Variants in EPHA6 observed in about 807,000 individuals in gnomAD.
The protein encoded by EPHA6 is ephrin type-A receptor 6.
In EPHA6, 50 loss-of-function variants were observed where a neutral mutation model predicts 112.0. That is an observed-to-expected ratio of 0.45 (90% CI 0.36 to 0.56). The LOEUF (loss-of-function observed/expected upper bound fraction) is 0.56, where lower values mean the gene tolerates loss of function less well. Among genes scored for constraint, EPHA6 ranks in the 20% least tolerant of loss-of-function variants. The pLI, the probability that EPHA6 is intolerant of heterozygous loss-of-function variation, is 0.00. For missense variants in EPHA6, 1,280 were observed against 1,417.4 expected (o/e 0.90, Z 1.56); for synonymous variants, 529 against 490.7 (o/e 1.08, Z -1.03).
At chr3:96,842,313 G>T (rs1019018498) in intron 1 of EPHA6, among the ~76,000 whole-genome samples, 3 of 152,200 alleles carry the variant, frequency 2.0e-5, no homozygotes, top group Non-Finnish European at 4.4e-5. Flanking sequence ...AACCAAGATT[G>T]TTTCTACTAA....
At chr3:96,955,887 A>G (rs1277536347) in intron 2 of EPHA6, among the ~76,000 whole-genome samples, 1 of 152,216 alleles carries the variant, frequency 6.6e-6, no homozygotes, top group African/African-American at 2.4e-5. Context: ...AATACAAACT[A>G]TGTTTTTTGT....
At chr3:96,940,400 A>G (rs1348819205) in intron 2 of EPHA6, among the ~76,000 whole-genome samples, 2 of 152,116 alleles carry the variant, frequency 1.3e-5, no homozygotes, top group African/African-American at 4.8e-5. Context: ...AGTCTGTTTT[A>G]TCAGAGACTA....
intron 5 of EPHA6, among the ~76,000 whole-genome samples, chr3:97,305,991 A>G (rs992186740): frequency 6.6e-6 from 1 of 151,982 alleles, no homozygotes; most frequent in Admixed American, 6.6e-5. Flanking sequence ...GCAAAGATAA[A>G]CTAAAATATA....
chr3:97,426,171 TTA>T (rs2089105089), intron 6 of EPHA6, among the ~76,000 whole-genome samples: 1 of 152,220 alleles, frequency 6.6e-6, no homozygotes, highest in African/African-American at 2.4e-5. Flanking sequence ...ATTTACTGTA[TTA>T]GTCTATTCAC....
At chr3:97,572,344 G>T (rs558896228) in intron 11 of EPHA6, among the ~76,000 whole-genome samples, 16 of 151,906 alleles carry the variant, frequency 1.1e-4, no homozygotes, top group African/African-American at 3.9e-4. Context: ...TAGATACAGG[G>T]TTTCATGGTG....
chr3:96,980,675 T>C (rs1267791178), intron 2 of EPHA6, among the ~76,000 whole-genome samples: 3 of 152,198 alleles, frequency 2.0e-5, no homozygotes, highest in South Asian at 2.1e-4. Context: ...TGATTCTTCC[T>C]ACCCATGAGC....
At chr3:97,060,995 A>G (rs931425250) in intron 3 of EPHA6, among the ~76,000 whole-genome samples, 1 of 151,066 alleles carries the variant, frequency 6.6e-6, no homozygotes, top group Non-Finnish European at 1.5e-5. Flanking sequence ...AAACCCAAGG[A>G]TAAAAAGCTT....
At chr3:97,013,189 GGTATTTCTTA>G (rs1367117909) in intron 3 of EPHA6, among the ~76,000 whole-genome samples, 1 of 151,916 alleles carries the variant, frequency 6.6e-6, no homozygotes, top group Non-Finnish European at 1.5e-5. Context: ...TATTCAGAAT[GGTATTTCTTA>G]GATTTTCTTC....
In EPHA6 at chr3:97,511,246, G is replaced by T. The variant is rs142230095; in HGVS notation, c.2201-21112G>T. Among the ~76,000 whole-genome samples, 246 of 152,050 alleles carry T rather than the reference G, an allele frequency of 1.6e-3. 1 individual carries two copies. Among genetic ancestry groups the T allele is most frequent in the Non-Finnish European group, 2.7e-3 (185 of 68,006 alleles). On this transcript the variant is annotated intron_variant, in intron 10 of 17. Transcript: ENST00000389672. Reference sequence around the variant, plus strand: ...GTATGAAAAAAAAAAAACTTCTGCAGCTAGCTCGGTGTCTGCCCAGACAGC... The same window carrying T: ...GTATGAAAAAAAAAAAACTTCTGCATCTAGCTCGGTGTCTGCCCAGACAGC...
intron 1 of EPHA6, among the ~76,000 whole-genome samples, chr3:96,850,268 T>C (rs2107366185): frequency 6.6e-6 from 1 of 152,120 alleles, no homozygotes; most frequent in Non-Finnish European, 1.5e-5. Flanking sequence ...TGAGAGTTTG[T>C]AGCTAGGTGG....
At chr3:97,070,271 G>A (rs1164362859) in intron 3 of EPHA6, among the ~76,000 whole-genome samples, 2 of 152,066 alleles carry the variant, frequency 1.3e-5, no homozygotes, top group Admixed American at 1.3e-4. Flanking sequence ...TGAGTGCCTG[G>A]AACATAGTCA....
At chr3:97,411,912 G>A (rs980084606) in intron 6 of EPHA6, among the ~76,000 whole-genome samples, 6 of 152,016 alleles carry the variant, frequency 3.9e-5, no homozygotes, top group African/African-American at 1.4e-4. Context: ...CTACTGTTCA[G>A]ATTATTTTTT....
chr3:97,584,795 T>C (rs150936196), intron 11 of EPHA6, among the ~76,000 whole-genome samples: 15 of 152,300 alleles, frequency 9.8e-5, no homozygotes, highest in Admixed American at 7.2e-4. Flanking sequence ...TTTATCCCCA[T>C]GTATTGAACA....
At chr3:96,988,601 C>A (rs1353484512) in intron 3 of EPHA6, among the ~76,000 whole-genome samples, 2 of 151,950 alleles carry the variant, frequency 1.3e-5, no homozygotes, top group African/African-American at 2.4e-5. Flanking sequence ...TATTTTATTT[C>A]AAAAATGTAT....
At chr3:97,405,063 A>G (rs1200672601) in intron 5 of EPHA6, 87 bp from the exon 6 acceptor site, 15 of 1,446,858 alleles carry the variant, frequency 1.0e-5, no homozygotes, top group Admixed American at 7.1e-5. Flanking sequence ...CAAGAATTTT[A>G]TTTTCCTTGG....
chr3:97,496,288 A>G (rs2091976152), intron 10 of EPHA6, among the ~76,000 whole-genome samples: 1 of 152,130 alleles, frequency 6.6e-6, no homozygotes, highest in Non-Finnish European at 1.5e-5. Flanking sequence ...CAGGAAAAAA[A>G]AGTCTGTCTT....
intron 5 of EPHA6, among the ~76,000 whole-genome samples, chr3:97,298,540 C>T (rs2080962811): frequency 6.6e-6 from 1 of 152,102 alleles, no homozygotes; most frequent in African/African-American, 2.4e-5. Flanking sequence ...CTCCTGGATC[C>T]TTCTTTAAAT....
chr3:97,056,733 G>A (rs906982313), intron 3 of EPHA6, among the ~76,000 whole-genome samples: 1 of 152,154 alleles, frequency 6.6e-6, no homozygotes, highest in Non-Finnish European at 1.5e-5. Context: ...AGCCTCTGGA[G>A]TTAAACAGAC....
At chr3:97,404,380 G>A in intron 5 of EPHA6, among the ~76,000 whole-genome samples, 1 of 151,792 alleles carries the variant, frequency 6.6e-6, no homozygotes, top group East Asian at 1.9e-4. Flanking sequence ...GTTTTAATTT[G>A]GATTTTATTT....
Sources: gnomAD v4.1 joint callset for allele counts (sites outside exome capture counted in the v4.1 genomes callset) on GRCh38, gnomAD v4.1.1 for gene constraint, MANE v1.5 for transcripts, NCBI Gene and HGNC (gene_info 2026-07-23, HGNC 2026-07-21) for gene names.